THSD7A: variants seen among roughly 807,000 people sequenced by gnomAD.
The protein encoded by THSD7A is thrombospondin type 1 domain containing 7A.
A neutral mutation model predicts 231.3 loss-of-function variants in THSD7A; 96 were observed. The ratio of observed to expected loss-of-function variants is 0.41; its 90% CI spans 0.35 to 0.49. The LOEUF (loss-of-function observed/expected upper bound fraction) is 0.49, where lower values mean the gene tolerates loss of function less well. Ranked by LOEUF, THSD7A falls within the 20% of genes least tolerant of loss-of-function variation. The pLI, the probability that THSD7A is intolerant of heterozygous loss-of-function variation, is 0.05. For missense variants in THSD7A, 2,290 were observed against 2,070.2 expected (o/e 1.11, Z -2.06); for synonymous variants, 940 against 743.3 (o/e 1.26, Z -4.30).
At chr7:11,390,265 A>G (rs887649288) in intron 23 of THSD7A, among the ~76,000 whole-genome samples, 1 of 125,022 alleles carries the variant, frequency 8.0e-6, no homozygotes, top group Non-Finnish European at 1.8e-5. Context: ...TAGTCTTTTC[A>G]CATAGTCCCA....
intron 4 of THSD7A, among the ~76,000 whole-genome samples, chr7:11,558,438 C>T (rs1789938757): frequency 6.6e-6 from 1 of 152,048 alleles, no homozygotes; most frequent in South Asian, 2.1e-4. Flanking sequence ...ACTATAGTAC[C>T]ACAGTCCTAA....
chr7:11,549,804 T>C (rs1374126289), intron 4 of THSD7A, among the ~76,000 whole-genome samples: 2 of 151,876 alleles, frequency 1.3e-5, no homozygotes, highest in African/African-American at 4.8e-5. Flanking sequence ...AGGAAAAATA[T>C]CTAATATATG....
chr7:11,462,048 T>G lies in THSD7A; in HGVS notation c.2464A>C (p.Lys822Gln). The change falls in exon 10 of 28, where the codon AAG becomes CAG. Residue 822 changes from lysine to glutamine, a missense_variant. Physicochemically the swap from Lys to Gln is moderately conservative, Grantham distance 53. Coordinates refer to ENST00000423059, the MANE Select transcript of THSD7A (RefSeq NM_015204.3). ...RDCTDPLYEE[K>Q]ACEAPQACQS... is the part of the protein sequence containing the mutation. ...CACGCTTGAGGTGCCTCACAGGCCT[T>G]CTCTTCATAGAGGGGATCTGTGCAG... The G allele has an allele frequency of 6.2e-7, 1 of 1,613,772 alleles. No homozygotes were observed. The highest frequency in any genetic ancestry group is 8.5e-7 in the Non-Finnish European group (1 of 1,179,720).
chr7:11,522,884 C>T (rs867120659), intron 6 of THSD7A, among the ~76,000 whole-genome samples: 10 of 151,988 alleles, frequency 6.6e-5, no homozygotes, highest in Admixed American at 2.0e-4. Flanking sequence ...ATTTTTCTTT[C>T]GTTATACTTT....
intron 1 of THSD7A, among the ~76,000 whole-genome samples, chr7:11,699,405 G>C (rs1238881616): frequency 1.3e-5 from 2 of 151,106 alleles, no homozygotes; most frequent in Non-Finnish European, 3.0e-5. Context: ...GTAGTAAAAA[G>C]TACTAATTTA....
intron 22 of THSD7A, among the ~76,000 whole-genome samples, chr7:11,402,828 G>A (rs976251753): frequency 6.6e-6 from 1 of 152,098 alleles, no homozygotes; most frequent in Non-Finnish European, 1.5e-5. Flanking sequence ...TTTCCATTGT[G>A]TGAATATATC....
chr7:11,735,621 G>A (rs139086594), intron 1 of THSD7A, among the ~76,000 whole-genome samples: 1 of 151,862 alleles, frequency 6.6e-6, no homozygotes, highest in South Asian at 2.1e-4. Context: ...TAAATATTTT[G>A]GATAAAATAT....
chr7:11,464,222 A>C (rs12538725), intron 9 of THSD7A, among the ~76,000 whole-genome samples: 33,194 of 152,010 alleles, frequency 0.22, 4,374 homozygotes, highest in Middle Eastern at 0.35. Flanking sequence ...TGGGGGAAGC[A>C]GGGAGGTTTC....
intron 4 of THSD7A, among the ~76,000 whole-genome samples, chr7:11,559,506 C>CATATATATAAATCCAT (rs1789990427): frequency 2.3e-5 from 1 of 43,878 alleles, no homozygotes. Context: ...CATACATATA[C>CATATATATAAATCCAT]ATATATATAA....
chr7:11,738,453 G>A (rs6973931), intron 1 of THSD7A, among the ~76,000 whole-genome samples: 28,849 of 151,940 alleles, frequency 0.19, 3,522 homozygotes, highest in African/African-American at 0.34. Flanking sequence ...AAAGAATATA[G>A]GTAAGATAGT....
intron 14 of THSD7A, among the ~76,000 whole-genome samples, chr7:11,427,914 T>TG (rs1425068270): frequency 1.3e-5 from 2 of 152,096 alleles, no homozygotes; most frequent in Admixed American, 6.5e-5. Context: ...AAAGATAAAA[T>TG]CAGCAACTTC....
intron 6 of THSD7A, among the ~76,000 whole-genome samples, chr7:11,536,314 T>C (rs902386579): frequency 6.6e-6 from 1 of 152,170 alleles, no homozygotes; most frequent in Non-Finnish European, 1.5e-5. Context: ...GATTTCGTTT[T>C]GTAATGGGTA....
chr7:11,729,156 A>G (rs2078136343), intron 1 of THSD7A, among the ~76,000 whole-genome samples: 1 of 151,838 alleles, frequency 6.6e-6, no homozygotes, highest in African/African-American at 2.4e-5. Flanking sequence ...AAGAGACAGA[A>G]GAACCAGCAT....
intron 1 of THSD7A, among the ~76,000 whole-genome samples, chr7:11,769,124 T>A (rs1343138097): frequency 2.9e-5 from 1 of 34,448 alleles, no homozygotes; most frequent in Non-Finnish European, 6.0e-5. Flanking sequence ...TTCCTGGCAA[T>A]ATATATATAT....
chr7:11,807,285 T>C (rs1405282731), intron 1 of THSD7A, among the ~76,000 whole-genome samples: 2 of 152,092 alleles, frequency 1.3e-5, no homozygotes, highest in Non-Finnish European at 2.9e-5. Flanking sequence ...GTGCAAATGA[T>C]CAAGGTGGAA....
intron 1 of THSD7A, among the ~76,000 whole-genome samples, chr7:11,769,139 A>ATTTTTT (rs1562541243): frequency 5.4e-5 from 2 of 36,736 alleles, no homozygotes; most frequent in African/African-American, 1.5e-4. Flanking sequence ...ATATATATAT[A>ATTTTTT]TATATATATA....
chr7:11,503,874 G>A (rs940998356), intron 6 of THSD7A, among the ~76,000 whole-genome samples: 4 of 152,172 alleles, frequency 2.6e-5, no homozygotes, highest in African/African-American at 7.2e-5. Flanking sequence ...GCGTAAATTA[G>A]TTCAACCATT....
At chr7:11,445,206 CAAGT>C (rs1784928737) in intron 13 of THSD7A, among the ~76,000 whole-genome samples, 1 of 151,958 alleles carries the variant, frequency 6.6e-6, no homozygotes, top group South Asian at 2.1e-4. Context: ...CCACTTCTAT[CAAGT>C]AAGTAAGAGA....
rs753678632 is a variant in THSD7A, at chr7:11,401,884, A to G, written c.4322T>C (p.Ile1441Thr). The G allele has an allele frequency of 6.8e-6, 11 of 1,613,918 alleles. No homozygotes were observed. In the East Asian group the frequency reaches 2.2e-4, roughly 33 times the overall value. The change falls in exon 23 of 28, where the codon ATA (isoleucine) becomes ACA (threonine). Residue 1441 changes from isoleucine (I) to threonine (T), a missense_variant. Transcript: ENST00000423059. ...VNGEDLGFGG[I>T]QVRSRPVIIQ... ...AATCACCGGTCTGGATCTGACCTGT[A>G]TTCCACCAAAGCCTAGATCCTCACC...
Sources: allele counts gnomAD v4.1 joint callset (sites outside exome capture counted in the v4.1 genomes callset), GRCh38; gene constraint gnomAD v4.1.1; transcripts MANE v1.5; gene names NCBI Gene and HGNC (gene_info 2026-07-23, HGNC 2026-07-21).